The following ARMH3 variants were observed in gnomAD, a reference collection of about 807,000 sequenced individuals.
The protein encoded by ARMH3 is armadillo like helical domain containing 3.
ARMH3 carries 60 observed loss-of-function variants against 99.1 expected under a neutral mutation model. That is an observed-to-expected ratio of 0.61 (90% CI 0.49 to 0.75). The LOEUF is 0.75. ARMH3 is among the 30% of genes least tolerant of loss of function. The probability of loss-of-function intolerance (pLI) is 0.00; values close to 1 mark genes in which losing one functional copy is unlikely to be tolerated. For missense variants in ARMH3, 679 were observed against 843.1 expected, an observed-to-expected ratio of 0.81 and a Z score of 2.41; for synonymous variants, 285 against 292.8, an observed-to-expected ratio of 0.97 and a Z score of 0.27.
At chr10:101,956,291 C>T (rs1211994807) in intron 22 of ARMH3, among the ~76,000 whole-genome samples, 1 of 152,062 alleles carries the variant, frequency 6.6e-6, no homozygotes, top group East Asian at 1.9e-4. Context: ...TGTCAATTCC[C>T]ACCCACTCTT....
chr10:101,901,022 AGACTGAGGAAG>A (rs1466709085), intron 23 of ARMH3, among the ~76,000 whole-genome samples: 1 of 151,876 alleles, frequency 6.6e-6, no homozygotes, highest in Non-Finnish European at 1.5e-5. Context: ...ATCACATGCT[AGACTGAGGAAG>A]GAGGGAAATA....
intron 24 of ARMH3, among the ~76,000 whole-genome samples, chr10:101,855,963 C>A (rs1222413801): frequency 6.6e-6 from 1 of 151,778 alleles, no homozygotes; most frequent in Non-Finnish European, 1.5e-5. Context: ...AGTGCTCAAC[C>A]CAGTGCAGGC....
intron 24 of ARMH3, among the ~76,000 whole-genome samples, chr10:101,864,124 C>T (rs1334017541): frequency 6.7e-6 from 1 of 148,586 alleles, no homozygotes; most frequent in Non-Finnish European, 1.5e-5. Flanking sequence ...AGACAATTCT[C>T]AAAAGAAGAC....
intron 20 of ARMH3, among the ~76,000 whole-genome samples, chr10:101,967,078 C>T (rs1254796465): frequency 6.6e-6 from 1 of 152,180 alleles, no homozygotes; most frequent in African/African-American, 2.4e-5. Context: ...ACAGCAAAGA[C>T]AACACTCACC....
At chr10:101,929,433 T>C (rs562423477) in intron 23 of ARMH3, among the ~76,000 whole-genome samples, 42 of 152,366 alleles carry the variant, frequency 2.8e-4, no homozygotes, top group Non-Finnish European at 5.3e-4. Flanking sequence ...CACTATCATC[T>C]AGTCCTTGCT....
chr10:102,046,839 G>A (rs1025607128), intron 1 of ARMH3, among the ~76,000 whole-genome samples: 1 of 152,202 alleles, frequency 6.6e-6, no homozygotes, highest in Non-Finnish European at 1.5e-5. Flanking sequence ...CAGAGAAACT[G>A]TGAAGAGGTT....
chr10:102,041,075 C>CATATATATATATATATAATATAT lies in ARMH3; in HGVS notation c.-11-951_-11-950insATATATTATATATATATATATAT, dbSNP rs59281655. Among the ~76,000 whole-genome samples the CATATATATATATATATAATATAT allele has an allele frequency of 3.0e-5, 4 of 132,006 alleles. No homozygotes were observed. In the East Asian group the frequency reaches 8.2e-4, roughly 27 times the overall value. 86.6% of individuals were successfully genotyped at this position (132,006 alleles called of 152,430 possible). A position where few individuals can be genotyped will look rare whatever the true frequency, so the allele number is the denominator to read the frequency against. Reference sequence around the variant, plus strand: ...CTACTTTCAAATTTAATTGTGTGTACATATATATATATATAATATATATAT... The same window carrying CATATATATATATATATAATATAT: ...CTACTTTCAAATTTAATTGTGTGTACATATATATATATATATAATATATATATATATATATATAATATATATAT... On this transcript the variant is annotated intron_variant, in intron 1 of 25. Coordinates refer to ENST00000370033, the MANE Select transcript of ARMH3 (RefSeq NM_024541.3).
Position 101,993,590 on chromosome 10 carries a change from T to C in ARMH3, c.1223A>G (p.Asn408Ser), listed in dbSNP as rs1355116663. The C allele has an allele frequency of 6.3e-6, 10 of 1,596,662 alleles. No homozygotes were observed. Among genetic ancestry groups the C allele is most frequent in the Non-Finnish European group, 8.6e-6 (10 of 1,169,584 alleles). The part of the protein sequence containing the change: ...LTCIAEDQYA[N>S]AFLHDDNMNF... Reference sequence around the variant, plus strand: ...CATGTTGTCATCATGCAAAAATGCATTGGCATATTGATCCTAATAAAAATA... The same window carrying C: ...CATGTTGTCATCATGCAAAAATGCACTGGCATATTGATCCTAATAAAAATA... The change falls in exon 17 of 26, where the codon AAT (asparagine) becomes AGT (serine). Residue 408 changes from asparagine (N) to serine (S), a missense_variant. Asn to Ser is a conservative substitution (Grantham distance 46, BLOSUM62 1). This residue lies in a region of ARMH3 where 389 missense variants were observed against 456.5 expected (regional missense o/e 0.85). Coordinates refer to ENST00000370033, the MANE Select transcript of ARMH3 (RefSeq NM_024541.3).
intron 23 of ARMH3, among the ~76,000 whole-genome samples, chr10:101,928,818 T>C (rs989217883): frequency 2.0e-5 from 3 of 152,062 alleles, no homozygotes; most frequent in Admixed American, 1.3e-4. Context: ...GCAACCTCCA[T>C]CTCCCGGATT....
At chr10:101,945,530 C>T (rs563924785) in intron 22 of ARMH3, among the ~76,000 whole-genome samples, 17 of 152,050 alleles carry the variant, frequency 1.1e-4, no homozygotes, top group African/African-American at 3.9e-4. Flanking sequence ...CCAGCCTGAC[C>T]AACATGGTGA....
intron 13 of ARMH3, among the ~76,000 whole-genome samples, chr10:102,008,086 TA>T (rs1176739416): frequency 3.3e-5 from 5 of 152,166 alleles, no homozygotes; most frequent in Non-Finnish European, 5.9e-5. Flanking sequence ...ACCAGCACTT[TA>T]CCTTCCTCAC....
rs777325903 is a variant in ARMH3 at position 102,025,265 on chromosome 10, A to G, written c.415-17T>C. On this transcript the variant is annotated splice_polypyrimidine_tract_variant and intron_variant, in intron 5 of 25. Coordinates refer to ENST00000370033, the MANE Select transcript of ARMH3 (RefSeq NM_024541.3). ...CATCAAGTTCTGAGAAAGAGAACCAATAAGCATTAAACCATACCAGATAAC... is the reference window on the plus strand; with the variant it reads ...CATCAAGTTCTGAGAAAGAGAACCAGTAAGCATTAAACCATACCAGATAAC... 2.5e-6 allele frequency: 4 copies of G among 1,604,034 alleles called. No homozygotes were observed. The highest frequency in any genetic ancestry group is 3.4e-6 in the Non-Finnish European group (4 of 1,171,304).
At chr10:101,973,047 G>T (rs746660784) in intron 20 of ARMH3, among the ~76,000 whole-genome samples, 3 of 152,098 alleles carry the variant, frequency 2.0e-5, no homozygotes, top group Non-Finnish European at 2.9e-5. Context: ...AAATATAAAA[G>T]ACATTTTTAA....
intron 24 of ARMH3, among the ~76,000 whole-genome samples, chr10:101,871,539 A>G (rs1046520840): frequency 4.6e-5 from 7 of 152,182 alleles, no homozygotes; most frequent in Non-Finnish European, 7.3e-5. Flanking sequence ...TTTTTTTACA[A>G]TGCGCCTAAG....
chr10:101,931,704 G>A (rs1026882939), intron 23 of ARMH3, among the ~76,000 whole-genome samples: 1 of 152,064 alleles, frequency 6.6e-6, no homozygotes, highest in African/African-American at 2.4e-5. Context: ...GATCAATTGA[G>A]CCCAGGAGTT....
chr10:102,023,817 CCTAACAT>C lies in ARMH3; in HGVS notation c.508-75_508-69del, dbSNP rs1285467158. ...TCTGATATCTTGTGTAATCTCCTCCCCTAACATCTAAGAGAAACAAAAATATTAAAAT... is the reference window on the plus strand; with the variant it reads ...TCTGATATCTTGTGTAATCTCCTCCCCTAAGAGAAACAAAAATATTAAAAT... On this transcript the variant is annotated intron_variant, in intron 6 of 25. Coordinates refer to ENST00000370033, the MANE Select transcript of ARMH3 (RefSeq NM_024541.3). The C allele has an allele frequency of 5.0e-6, 7 of 1,406,774 alleles. No homozygotes were observed. The African/African-American group carries it at 1.0e-4, about 20-fold the overall frequency. The allele number at this position is 1,406,774 out of a possible 1,614,324, so 87.1% of individuals were successfully genotyped here.
At chr10:101,854,695 G>C (rs61874117) in intron 24 of ARMH3, among the ~76,000 whole-genome samples, 7,474 of 152,172 alleles carry the variant, frequency 0.049, 206 homozygotes, top group Middle Eastern at 0.095. Flanking sequence ...CAAGAACATA[G>C]GATTGAGGTC....
At chr10:102,007,159 C>CAAAAAAAAAAAAAAAAAAAA (rs10639768) in intron 13 of ARMH3, among the ~76,000 whole-genome samples, 16 of 60,040 alleles carry the variant, frequency 2.7e-4, no homozygotes, top group Non-Finnish European at 4.0e-4. Context: ...GACTCTATCT[C>CAAAAAAAAAAAAAAAAAAAA]AAAAAAAAAA....
intron 23 of ARMH3, among the ~76,000 whole-genome samples, chr10:101,920,810 C>T (rs949531447): frequency 3.3e-5 from 5 of 152,016 alleles, no homozygotes; most frequent in African/African-American, 1.2e-4. Flanking sequence ...CATTATTCAG[C>T]CTTGAAAAGG....
Sources: allele counts gnomAD v4.1 joint callset (sites outside exome capture counted in the v4.1 genomes callset), GRCh38; gene constraint gnomAD v4.1.1; regional missense constraint gnomAD v4.1.1; transcripts MANE v1.5; gene names NCBI Gene and HGNC (gene_info 2026-07-23, HGNC 2026-07-21).